CX3CL1: variants seen among roughly 807,000 people sequenced by gnomAD.
CX3CL1 encodes the protein C-X3-C motif chemokine ligand 1.
CX3CL1 carries 1 observed loss-of-function variant against 14.1 expected under a neutral mutation model. The ratio of observed to expected loss-of-function variants is 0.07; its 90% confidence interval spans 0.03 to 0.34. The LOEUF (loss-of-function observed/expected upper bound fraction) is 0.34. Among genes scored for constraint, CX3CL1 ranks in the 10% least tolerant of loss-of-function variants. The probability of loss-of-function intolerance (pLI) is 0.99; values close to 1 mark genes in which losing one functional copy is unlikely to be tolerated. For synonymous variants in CX3CL1, 255 were observed against 229.6 expected (o/e 1.11, Z -1.00); for missense variants, 505 against 536.4 (o/e 0.94, Z 0.58).
chr16:57,379,689 G>T lies in CX3CL1; in HGVS notation c.126G>T (p.Lys42Asn). The T allele has an allele frequency of 5.0e-6, 8 of 1,614,224 alleles. No homozygotes were observed. The highest frequency in any genetic ancestry group is 6.8e-6 in the Non-Finnish European group (8 of 1,180,030). ...CNITCSKMTS[K>N]IPVALLIHYQ... ...TCACGTGCAGCAAGATGACATCAAAGATACCTGTAGCTTTGCTCATCCACT... is the reference window on the plus strand; with the variant it reads ...TCACGTGCAGCAAGATGACATCAAATATACCTGTAGCTTTGCTCATCCACT... Residue 42 changes from lysine (K) to asparagine (N), a missense_variant, in exon 2 of 3, where the codon AAG (lysine) becomes AAT (asparagine). Lys to Asn is a moderately conservative substitution (Grantham distance 94). Coordinates refer to ENST00000006053, the MANE Select transcript of CX3CL1 (RefSeq NM_002996.6).
At chr16:57,379,842 T>C (rs1390132787) in intron 2 of CX3CL1, 88 bp downstream of exon 2, 11 of 1,501,724 alleles carry the variant, frequency 7.3e-6, no homozygotes, top group East Asian at 2.3e-5. Context: ...ACACCTCCGC[T>C]CCCAGACCTG....
At chr16:57,381,203 C>A (rs1251458844) in intron 2 of CX3CL1, among the ~76,000 whole-genome samples, 2 of 152,122 alleles carry the variant, frequency 1.3e-5, no homozygotes, top group African/African-American at 4.8e-5. Flanking sequence ...CTGGTAGCCA[C>A]CTTGTGGAAT....
chr16:57,381,553 C>T (rs867335055), intron 2 of CX3CL1, among the ~76,000 whole-genome samples: 4 of 152,050 alleles, frequency 2.6e-5, no homozygotes, highest in African/African-American at 7.2e-5. Flanking sequence ...AAGTCCCCCC[C>T]AGCAGAAGAC....
intron 1 of CX3CL1, 150 bp from the exon 2 acceptor site, chr16:57,379,484 G>A (rs70937030): frequency 2.5e-6 from 2 of 814,436 alleles, no homozygotes; most frequent in East Asian, 5.5e-5. Context: ...AGTTTGGCAG[G>A]GGAGGGAGGC....
intron 1 of CX3CL1, 178 bp from the exon 2 acceptor site, chr16:57,379,456 G>T: frequency 1.7e-6 from 1 of 601,036 alleles, no homozygotes. Flanking sequence ...TACAGGTGGG[G>T]AAACTGAGGC....
chr16:57,376,744 T>G (rs1358703750), intron 1 of CX3CL1, among the ~76,000 whole-genome samples: 2 of 151,738 alleles, frequency 1.3e-5, no homozygotes, highest in African/African-American at 2.4e-5. Context: ...GGTGGACGGG[T>G]GGATGGATAG....
intron 1 of CX3CL1, chr16:57,379,242 C>T: frequency 4.5e-6 from 1 of 224,284 alleles, no homozygotes; most frequent in South Asian, 1.6e-4. Context: ...AGGAGAATCG[C>T]TTGAATCTGG....
chr16:57,376,807 T>C (rs1597996511), intron 1 of CX3CL1, among the ~76,000 whole-genome samples: 1 of 152,100 alleles, frequency 6.6e-6, no homozygotes, highest in Non-Finnish European at 1.5e-5. Context: ...TTTCATTCAA[T>C]GAATATTGAT....
intron 1 of CX3CL1, among the ~76,000 whole-genome samples, chr16:57,376,179 A>G (rs746029294): frequency 3.9e-5 from 6 of 152,372 alleles, no homozygotes; most frequent in Non-Finnish European, 8.8e-5. Context: ...TCAGGCTGGG[A>G]GCCTTCTGAG....
intron 2 of CX3CL1, among the ~76,000 whole-genome samples, chr16:57,380,986 G>A (rs571692303): frequency 6.6e-6 from 1 of 152,300 alleles, no homozygotes; most frequent in Non-Finnish European, 1.5e-5. Flanking sequence ...ATCAGTCAAG[G>A]CTTACTTCTC....
chr16:57,373,708 G>T (rs1382978516), intron 1 of CX3CL1, among the ~76,000 whole-genome samples: 2 of 152,212 alleles, frequency 1.3e-5, no homozygotes, highest in African/African-American at 4.8e-5. Flanking sequence ...CTGGGCTGGG[G>T]CCCTGAAGCC....
chr16:57,376,302 T>C (rs1439018806), intron 1 of CX3CL1, among the ~76,000 whole-genome samples: 1 of 152,156 alleles, frequency 6.6e-6, no homozygotes, highest in African/African-American at 2.4e-5. Context: ...TCTGATGGCA[T>C]TTATTGGGAT....
chr16:57,379,721 A>G lies in CX3CL1; in HGVS notation c.158A>G (p.Gln53Arg). 1 of 1,614,262 alleles carries G rather than the reference A, an allele frequency of 6.2e-7. No individual in the cohort carries two copies. The highest frequency in any genetic ancestry group is 8.5e-7 in the Non-Finnish European group (1 of 1,180,040). Residue 53 changes from glutamine to arginine, a missense_variant, in exon 2 of 3, where the codon CAG becomes CGG. Transcript: ENST00000006053. ...GTAGCTTTGCTCATCCACTATCAAC[A>G]GAACCAGGCATCATGCGGCAAACGC... is the stretch of plus-strand genomic sequence containing the variant. ...IPVALLIHYQ[Q>R]NQASCGKRAI...
chr16:57,373,676 A>T (rs1902208197), intron 1 of CX3CL1, among the ~76,000 whole-genome samples: 1 of 152,126 alleles, frequency 6.6e-6, no homozygotes, highest in South Asian at 2.1e-4. Context: ...GTGGAGGCAA[A>T]TTCCTGCTGG....
intron 1 of CX3CL1, among the ~76,000 whole-genome samples, chr16:57,374,088 A>T (rs1407907088): frequency 1.3e-5 from 2 of 152,030 alleles, no homozygotes; most frequent in Non-Finnish European, 2.9e-5. Context: ...CCTGGGCATT[A>T]TTGGAACCTT....
chr16:57,379,404 TACA>T (rs1209168200), intron 1 of CX3CL1: 3 of 517,716 alleles, frequency 5.8e-6, no homozygotes, highest in East Asian at 3.0e-5. Context: ...TTCTTATTCT[TACA>T]ACAAGACTAT....
chr16:57,372,684 GC>G, intron 1 of CX3CL1, 46 bp downstream of exon 1: 1 of 1,595,376 alleles, frequency 6.3e-7, no homozygotes, highest in African/African-American at 1.3e-5. Flanking sequence ...GGAGCCCCCA[GC>G]CCCTTGTCTA....
chr16:57,379,524 AC>A (rs1157693297), intron 1 of CX3CL1, 109 bp from the exon 2 acceptor site: 2 of 1,405,426 alleles, frequency 1.4e-6, no homozygotes, highest in Non-Finnish European at 2.0e-6. Context: ...GCCAGGGTGT[AC>A]AGGGGATCAG....
chr16:57,380,873 T>G (rs1390031558), intron 2 of CX3CL1, among the ~76,000 whole-genome samples: 1 of 152,174 alleles, frequency 6.6e-6, no homozygotes, highest in African/African-American at 2.4e-5. Context: ...GGCCCTTTGC[T>G]TTCTAGGCCC....
Sources: allele counts gnomAD v4.1 joint callset (sites outside exome capture counted in the v4.1 genomes callset), GRCh38; gene constraint gnomAD v4.1.1; transcripts MANE v1.5; gene names NCBI Gene and HGNC (gene_info 2026-07-23, HGNC 2026-07-21).